The following AKAP6 variants were observed in gnomAD, a reference collection of about 807,000 sequenced individuals.
The protein encoded by AKAP6 is A-kinase anchoring protein 6.
AKAP6 carries 58 observed loss-of-function variants against 188.5 expected under a neutral mutation model. The ratio of observed to expected loss-of-function variants is 0.31; its 90% CI spans 0.25 to 0.38. AKAP6 has a LOEUF of 0.38. AKAP6 is among the 10% of genes least tolerant of loss of function. The pLI is 1.00. For missense variants in AKAP6, 2,710 were observed against 2,740.0 expected (o/e 0.99, Z 0.24); for synonymous variants, 989 against 998.6 (o/e 0.99, Z 0.18).
chr14:32,690,121 G>T (rs1057033718), intron 8 of AKAP6, among the ~76,000 whole-genome samples: 1 of 87,634 alleles, frequency 1.1e-5, no homozygotes, highest in Non-Finnish European at 2.3e-5. Context: ...ACACACACAC[G>T]ATTACTCAGC....
intron 9 of AKAP6, among the ~76,000 whole-genome samples, chr14:32,719,598 A>T (rs1462979406): frequency 1.3e-5 from 2 of 152,158 alleles, no homozygotes; most frequent in African/African-American, 4.8e-5. Flanking sequence ...TATGAAATTA[A>T]TTTGGCATTA....
chr14:32,538,235 TA>T (rs35651573), intron 3 of AKAP6, among the ~76,000 whole-genome samples: 1 of 152,156 alleles, frequency 6.6e-6, no homozygotes, highest in African/African-American at 2.4e-5. Flanking sequence ...AATGGAATTG[TA>T]AAAAGCAGGA....
chr14:32,506,866 C>A (rs577000491), intron 2 of AKAP6, among the ~76,000 whole-genome samples: 1 of 152,042 alleles, frequency 6.6e-6, no homozygotes. Flanking sequence ...AAAAAAATTG[C>A]GCATCTCTTT....
chr14:32,640,125 A>C (rs184744063), intron 7 of AKAP6, among the ~76,000 whole-genome samples: 1 of 152,230 alleles, frequency 6.6e-6, no homozygotes, highest in Admixed American at 6.5e-5. Context: ...TTTATTTTCA[A>C]TAAAGGCAAG....
At chr14:32,759,831 C>A (rs1001120529) in intron 11 of AKAP6, among the ~76,000 whole-genome samples, 11 of 152,112 alleles carry the variant, frequency 7.2e-5, no homozygotes, top group African/African-American at 1.2e-4. Context: ...GATCTTCCCC[C>A]ATGACCCAAA....
At chr14:32,511,679 T>G (rs1881271282) in intron 2 of AKAP6, among the ~76,000 whole-genome samples, 1 of 152,156 alleles carries the variant, frequency 6.6e-6, no homozygotes, top group Non-Finnish European at 1.5e-5. Flanking sequence ...TGATAACCCC[T>G]TTATATATTT....
intron 12 of AKAP6, among the ~76,000 whole-genome samples, chr14:32,779,225 G>A (rs113318919): frequency 5.9e-5 from 9 of 151,554 alleles, no homozygotes; most frequent in East Asian, 3.9e-4. Context: ...GTGAAACCCC[G>A]TCACTACAAA....
intron 3 of AKAP6, 83 bp from the exon 4 acceptor site, chr14:32,545,147 C>T: frequency 7.4e-7 from 1 of 1,344,656 alleles, no homozygotes; most frequent in Non-Finnish European, 1.0e-6. Context: ...TTATAGTGCC[C>T]TGTACTGCAA....
At chr14:32,600,898 G>A in intron 7 of AKAP6, 106 bp downstream of exon 7, 3 of 1,082,856 alleles carry the variant, frequency 2.8e-6, no homozygotes, top group Non-Finnish European at 3.8e-6. Context: ...TTTCTACTGG[G>A]TAAACTTTAT....
rs192694245 is a variant in AKAP6 at position 32,512,831 on chromosome 14, G to A, written c.325-22723G>A. 4.7e-3 allele frequency among the ~76,000 whole-genome samples: 712 copies of A among 152,250 alleles called. 1 individual carries two copies. The highest frequency in any genetic ancestry group is 9.1e-3 in the East Asian group (47 of 5,182). ...TCTGTGTTTTAATTTAGGCTCTAATGCTCAGCAATAAATTTTCCAGAAAAT... is the reference window on the plus strand; with the variant it reads ...TCTGTGTTTTAATTTAGGCTCTAATACTCAGCAATAAATTTTCCAGAAAAT... On this transcript the variant is annotated intron_variant, in intron 2 of 13. Transcript: ENST00000280979.
Position 32,811,255 on chromosome 14 carries a change from A to AAAAAAAAAAAAAAAAAAAT in AKAP6, c.3589-10146_3589-10145insAAAAAAAAAAAAAAAAATA, listed in dbSNP as rs546819675. On this transcript the variant is annotated intron_variant, in intron 12 of 13. Transcript: ENST00000280979. ...CTCCGTCTCAGGAAAAAAAAAAAAA[A>AAAAAAAAAAAAAAAAAAAT]AGTTGAAAAACAGACTAAGATAATG... 1.6e-3 allele frequency among the ~76,000 whole-genome samples: 189 copies of AAAAAAAAAAAAAAAAAAAT among 118,308 alleles called. 18 individuals carry two copies. Among genetic ancestry groups the AAAAAAAAAAAAAAAAAAAT allele is most frequent in the East Asian group, 4.2e-3 (16 of 3,842 alleles). 77.6% of individuals were successfully genotyped at this position (118,308 alleles called of 152,430 possible). A position where few individuals can be genotyped will look rare whatever the true frequency, so the allele number is the denominator to read the frequency against.
Position 32,824,828 on chromosome 14 carries a change from C to T in AKAP6, c.*42+13C>T. On this transcript the variant is annotated intron_variant, in intron 13 of 13. Transcript: ENST00000280979. ...ATCTCACTGAAAGGTACGTATAGTC[C>T]TCATGCCGTATATGTATTTAAAATA... 1.3e-6 allele frequency: 2 copies of T among 1,540,942 alleles called. No homozygotes were observed. Among genetic ancestry groups the T allele is most frequent in the Non-Finnish European group, 1.7e-6 (2 of 1,147,058 alleles).
chr14:32,540,821 C>T (rs996849751), intron 3 of AKAP6, among the ~76,000 whole-genome samples: 8 of 151,436 alleles, frequency 5.3e-5, no homozygotes, highest in African/African-American at 1.9e-4. Flanking sequence ...ATTGCCTCTG[C>T]ATAGTGAAAT....
At position 32,775,340 on chromosome 14, in the gene AKAP6, G is replaced by A. The variant is rs145168349; in HGVS notation, c.3588+1447G>A. Among the ~76,000 whole-genome samples, 129 of 152,136 alleles carry A rather than the reference G, an allele frequency of 8.5e-4. 2 individuals carry two copies. The highest frequency in any genetic ancestry group is 2.9e-3 in the African/African-American group (119 of 41,506). Reference sequence around the variant, plus strand: ...GAAGCATTCAAACTGCTTTGGAGGAGGCAAAGTTGTGTTTCTTTGAGGATT... The same window carrying A: ...GAAGCATTCAAACTGCTTTGGAGGAAGCAAAGTTGTGTTTCTTTGAGGATT... On this transcript the variant is annotated intron_variant, in intron 12 of 13. Transcript: ENST00000280979.
At chr14:32,642,496 A>G (rs547373568) in intron 7 of AKAP6, among the ~76,000 whole-genome samples, 1 of 152,332 alleles carries the variant, frequency 6.6e-6, no homozygotes, top group South Asian at 2.1e-4. Context: ...TGGCAGCTGT[A>G]TAGTTTTTTC....
At chr14:32,664,489 G>A (rs1352326198) in intron 7 of AKAP6, among the ~76,000 whole-genome samples, 1 of 152,088 alleles carries the variant, frequency 6.6e-6, no homozygotes, top group Non-Finnish European at 1.5e-5. Context: ...TTAGGTTCTA[G>A]AGTTTTACTT....
In AKAP6 at chr14:32,546,934, A is replaced by G. The variant is rs759846386; in HGVS notation, c.2281A>G (p.Ile761Val). The part of the protein sequence containing the change: ...ESHSATKSAL[I>V]QKLMQDIQHQ... ...CCATTCTGCCACTAAATCAGCTTTA[A>G]TTCAGAAACTGATGCAAGATATTCA... Residue 761 changes from isoleucine to valine, a missense_variant, in exon 4 of 14, where the codon ATT (isoleucine) becomes GTT (valine). Transcript: ENST00000280979. 6 of 1,612,348 alleles carry G rather than the reference A, an allele frequency of 3.7e-6. No homozygotes were observed. The highest frequency in any genetic ancestry group is 5.1e-6 in the Non-Finnish European group (6 of 1,179,990).
intron 12 of AKAP6, among the ~76,000 whole-genome samples, chr14:32,818,617 T>C (rs1001225275): frequency 6.6e-6 from 1 of 152,176 alleles, no homozygotes; most frequent in Non-Finnish European, 1.5e-5. Context: ...TATATTTTAC[T>C]GAGCAAAGGA....
rs531408926 is a variant in AKAP6, at chr14:32,523,688, C to T, written c.325-11866C>T. Among the ~76,000 whole-genome samples the T allele has an allele frequency of 1.0e-3, 153 of 151,260 alleles. 2 individuals carry two copies. Among genetic ancestry groups the T allele is most frequent in the African/African-American group, 3.6e-3 (150 of 41,158 alleles). ...CTCACTTTGTCGCCCAGACTGGTCT[C>T]GAGCTCCTGAGCCAAGCGATCTGCC... On this transcript the variant is annotated intron_variant, in intron 2 of 13. Transcript: ENST00000280979.
Sources: gnomAD v4.1 joint callset for allele counts (sites outside exome capture counted in the v4.1 genomes callset) on GRCh38, gnomAD v4.1.1 for gene constraint, MANE v1.5 for transcripts, NCBI Gene and HGNC (gene_info 2026-07-23, HGNC 2026-07-21) for gene names.